Variants in GRM1 observed in about 807,000 individuals in gnomAD.
The protein encoded by GRM1 is glutamate metabotropic receptor 1.
GRM1 carries 33 observed loss-of-function variants against 90.9 expected under a neutral mutation model. The ratio of observed to expected loss-of-function variants is 0.36; its 90% CI spans 0.28 to 0.49. The LOEUF (loss-of-function observed/expected upper bound fraction) is 0.49, where lower values mean the gene tolerates loss of function less well. GRM1 is among the 20% of genes least tolerant of loss of function. The pLI is 0.99. For missense variants in GRM1, 1,190 were observed against 1,534.3 expected (o/e 0.78, Z 3.75); for synonymous variants, 700 against 613.2 (o/e 1.14, Z -2.09).
At chr6:146,170,437 T>C (rs1778074488) in intron 2 of GRM1, among the ~76,000 whole-genome samples, 1 of 152,188 alleles carries the variant, frequency 6.6e-6, no homozygotes, top group South Asian at 2.1e-4. Flanking sequence ...CACATTTCTC[T>C]GAGGCTCCGT....
intron 2 of GRM1, among the ~76,000 whole-genome samples, chr6:146,265,791 C>T (rs888005878): frequency 2.0e-5 from 3 of 152,118 alleles, no homozygotes; most frequent in African/African-American, 7.2e-5. Flanking sequence ...GCATCCTTTG[C>T]CCATTGTTTA....
Position 146,053,275 on chromosome 6 carries a change from T to A in GRM1, c.700+23058T>A, listed in dbSNP as rs182166826. On this transcript the variant is annotated intron_variant, in intron 1 of 7. Transcript: ENST00000282753. ...AGAATTTAGAATACAAGAAGCAATA[T>A]TTTGTACAAGGTTTTGCCCAACATG... 2.3e-3 allele frequency among the ~76,000 whole-genome samples: 351 copies of A among 152,242 alleles called. 2 individuals carry two copies. The highest frequency in any genetic ancestry group is 0.014 in the Middle Eastern group (4 of 294).
chr6:146,199,694 G>A (rs746590968), intron 2 of GRM1, among the ~76,000 whole-genome samples: 1 of 152,084 alleles, frequency 6.6e-6, no homozygotes, highest in East Asian at 1.9e-4. Context: ...TTGGTGGGGA[G>A]GTCTCTGCTG....
intron 7 of GRM1, among the ~76,000 whole-genome samples, chr6:146,433,250 C>T (rs920448795): frequency 6.6e-6 from 1 of 152,154 alleles, no homozygotes; most frequent in Non-Finnish European, 1.5e-5. Context: ...CTATGAAGCT[C>T]ATAAATTGAC....
At chr6:146,240,419 G>A (rs1475400494) in intron 2 of GRM1, among the ~76,000 whole-genome samples, 1 of 151,828 alleles carries the variant, frequency 6.6e-6, no homozygotes, top group East Asian at 1.9e-4. Flanking sequence ...AGGGGTCAGA[G>A]TGGTTACTGG....
chr6:146,094,086 C>G (rs893594902), intron 1 of GRM1, among the ~76,000 whole-genome samples: 1 of 152,026 alleles, frequency 6.6e-6, no homozygotes, highest in Non-Finnish European at 1.5e-5. Flanking sequence ...TAATAATTGG[C>G]TACATGACTT....
intron 1 of GRM1, among the ~76,000 whole-genome samples, chr6:146,107,048 A>G (rs1775333538): frequency 6.6e-6 from 1 of 152,070 alleles, no homozygotes; most frequent in Non-Finnish European, 1.5e-5. Flanking sequence ...GTGGCCCTTT[A>G]CTGTGCCTTT....
At chr6:146,247,779 G>T (rs902923023) in intron 2 of GRM1, among the ~76,000 whole-genome samples, 14 of 137,058 alleles carry the variant, frequency 1.0e-4, no homozygotes, top group Admixed American at 2.3e-4. Flanking sequence ...AAATGTGTGT[G>T]GTGTGTGTGT....
intron 1 of GRM1, among the ~76,000 whole-genome samples, chr6:146,143,383 A>G (rs1776966367): frequency 6.6e-6 from 1 of 152,216 alleles, no homozygotes; most frequent in Non-Finnish European, 1.5e-5. Flanking sequence ...CCCACCAAGC[A>G]TAAGGTGGCT....
At chr6:146,397,214 G>T (rs1776973487) in intron 6 of GRM1, among the ~76,000 whole-genome samples, 1 of 151,934 alleles carries the variant, frequency 6.6e-6, no homozygotes, top group African/African-American at 2.4e-5. Flanking sequence ...TGGGTGTGGT[G>T]GCTCATGCCT....
At chr6:146,259,695 T>C (rs1258762252) in intron 2 of GRM1, among the ~76,000 whole-genome samples, 1 of 152,148 alleles carries the variant, frequency 6.6e-6, no homozygotes, top group African/African-American at 2.4e-5. Flanking sequence ...CTTTCCTCGT[T>C]CATTCGTTGA....
intron 1 of GRM1, among the ~76,000 whole-genome samples, chr6:146,079,868 C>A (rs1382532261): frequency 6.6e-6 from 1 of 152,064 alleles, no homozygotes; most frequent in Non-Finnish European, 1.5e-5. Context: ...TCCACCATAT[C>A]TCTTTACCAC....
intron 1 of GRM1, among the ~76,000 whole-genome samples, chr6:146,056,024 A>G (rs1014068395): frequency 4.6e-5 from 7 of 152,280 alleles, no homozygotes; most frequent in Non-Finnish European, 7.4e-5. Context: ...TACTGTTTAC[A>G]TGAATTCAGT....
intron 1 of GRM1, among the ~76,000 whole-genome samples, chr6:146,089,156 A>G (rs1776637938): frequency 6.6e-6 from 1 of 152,048 alleles, no homozygotes; most frequent in Non-Finnish European, 1.5e-5. Flanking sequence ...TGCTGGCCTG[A>G]TGGAATAAGT....
chr6:146,311,696 T>A (rs1164534917), intron 3 of GRM1, among the ~76,000 whole-genome samples: 1 of 152,250 alleles, frequency 6.6e-6, no homozygotes, highest in Non-Finnish European at 1.5e-5. Flanking sequence ...TACATTTTTC[T>A]GTTTAAAATA....
intron 2 of GRM1, among the ~76,000 whole-genome samples, chr6:146,229,826 T>G (rs963883263): frequency 1.3e-5 from 2 of 152,196 alleles, no homozygotes; most frequent in African/African-American, 4.8e-5. Context: ...ACTTAATGAA[T>G]AAACCCATTT....
At chr6:146,360,468 A>T (rs1775425980) in intron 5 of GRM1, among the ~76,000 whole-genome samples, 1 of 152,208 alleles carries the variant, frequency 6.6e-6, no homozygotes, top group Admixed American at 6.5e-5. Flanking sequence ...CAGATGGTTT[A>T]CTAGGGGAAA....
intron 2 of GRM1, among the ~76,000 whole-genome samples, chr6:146,248,936 C>T (rs1371878786): frequency 6.6e-6 from 1 of 152,156 alleles, no homozygotes; most frequent in Non-Finnish European, 1.5e-5. Context: ...AAATTTTCAG[C>T]ATTTTTCCCC....
At chr6:146,331,909 C>T (rs899201904) in intron 3 of GRM1, among the ~76,000 whole-genome samples, 8 of 152,160 alleles carry the variant, frequency 5.3e-5, no homozygotes, top group Non-Finnish European at 1.0e-4. Flanking sequence ...AAAAATTGGC[C>T]TTCGGAGTGA....
Sources: gnomAD v4.1 joint callset for allele counts (sites outside exome capture counted in the v4.1 genomes callset) on GRCh38, gnomAD v4.1.1 for gene constraint, MANE v1.5 for transcripts, NCBI Gene and HGNC (gene_info 2026-07-23, HGNC 2026-07-21) for gene names.